The following SCART1 variants were observed in gnomAD, a reference collection of about 807,000 sequenced individuals.
SCART1 encodes scavenger receptor family member expressed on T cells 1, also known as scavenger receptor cysteine-rich domain-containing protein SCART1.
SCART1 carries 62 observed loss-of-function variants against 36.2 expected under a neutral mutation model. The ratio of observed to expected loss-of-function variants is 1.71; its 90% CI spans 1.40 to 2.12. The LOEUF (loss-of-function observed/expected upper bound fraction) is 2.12. Ranked by LOEUF, SCART1 falls within the 30% of genes most tolerant of loss-of-function variation. The pLI, the probability that SCART1 is intolerant of heterozygous loss-of-function variation, is 0.00. For missense variants in SCART1, 1,041 were observed against 540.5 expected (o/e 1.93, Z -9.18); for synonymous variants, 487 against 238.7 (o/e 2.04, Z -9.59).
rs1177377976 is a variant in SCART1, at chr10:133,456,235, A to G, written c.68-2A>G. On this transcript the variant is annotated splice_acceptor_variant, in intron 1 of 11. Transcript: ENST00000640237. LOFTEE classifies it high-confidence loss of function. ...CCTCTAACTGGACCTGTCTGTCTGT[A>G]GGTGGACCAGGTGCTCTGAGGCTGG... 2 of 701,846 alleles carry G rather than the reference A, an allele frequency of 2.8e-6. No individual in the cohort carries two copies. Among genetic ancestry groups the G allele is most frequent in the East Asian group, 5.4e-5 (2 of 37,264 alleles). 43.5% of individuals were successfully genotyped at this position (701,846 alleles called of 1,614,324 possible).
At chr10:133,459,385 G>T (rs981240597) in intron 5 of SCART1, 59 bp downstream of exon 5, 9 of 616,360 alleles carry the variant, frequency 1.5e-5, no homozygotes, top group Non-Finnish European at 2.6e-5. Context: ...ACAGAGGAGT[G>T]CAAGGAAGGA....
At chr10:133,462,722 T>C (rs1033865034) in intron 6 of SCART1, among the ~76,000 whole-genome samples, 3 of 152,158 alleles carry the variant, frequency 2.0e-5, no homozygotes, top group African/African-American at 7.2e-5. Context: ...GGGCCCTGGC[T>C]GAAGGCAGGA....
At chr10:133,459,828 A>G (rs1319453238) in exon 6 of SCART1, 5 of 581,146 alleles carry the variant, frequency 8.6e-6, no homozygotes, top group South Asian at 2.0e-5. Flanking sequence ...CGCGTCCCCC[A>G]TGGCCCGTCG....
intron 2 of SCART1, 29 bp from the exon 3 acceptor site, chr10:133,457,250 C>G (rs1340007885): frequency 1.4e-6 from 1 of 699,334 alleles, no homozygotes; most frequent in Admixed American, 2.0e-5. Context: ...GGGTCCATAC[C>G]TTAAGGAGGA....
chr10:133,466,998 G>A, intron 10 of SCART1, 200 bp from the exon 11 acceptor site: 1 of 504,038 alleles, frequency 2.0e-6, no homozygotes, highest in South Asian at 3.0e-5. Context: ...GCATCATGTG[G>A]TTTGCTGGCA....
chr10:133,466,180 A>G, intron 9 of SCART1, 55 bp from the exon 10 acceptor site: 2 of 685,942 alleles, frequency 2.9e-6, no homozygotes, highest in South Asian at 3.1e-5. Context: ...TGTCCTGCTG[A>G]GGGTGTGCAG....
chr10:133,466,490 C>G, intron 10 of SCART1, 109 bp downstream of exon 10: 1 of 618,364 alleles, frequency 1.6e-6, no homozygotes, highest in Non-Finnish European at 2.9e-6. Flanking sequence ...CCACAGCAGT[C>G]AGGCCTATGC....
chr10:133,468,872 G>A (rs901989878), exon 12 of SCART1: 11 of 152,138 alleles, frequency 7.2e-5, no homozygotes, highest in African/African-American at 2.7e-4. Flanking sequence ...AGAAAATGAT[G>A]TGTAATTTTT....
chr10:133,457,493 G>T, exon 3 of SCART1: 1 of 702,740 alleles, frequency 1.4e-6, no homozygotes, highest in Non-Finnish European at 2.6e-6. Flanking sequence ...GGGGTACCGA[G>T]CCCACCATCC....
chr10:133,461,665 G>A (rs977349062), intron 6 of SCART1, among the ~76,000 whole-genome samples: 1 of 152,012 alleles, frequency 6.6e-6, no homozygotes, highest in Non-Finnish European at 1.5e-5. Context: ...TCCTCACCTC[G>A]TCCATCATCT....
At chr10:133,463,295 C>T (rs958272959) in intron 6 of SCART1, among the ~76,000 whole-genome samples, 3 of 152,218 alleles carry the variant, frequency 2.0e-5, no homozygotes, top group South Asian at 2.1e-4. Context: ...CACAAAGTTA[C>T]GTTTGGTTTT....
exon 4 of SCART1, chr10:133,458,612 G>T (rs1850652255): frequency 1.4e-6 from 1 of 697,332 alleles, no homozygotes; most frequent in East Asian, 2.7e-5. Context: ...CGGGGGCGTG[G>T]GAGCCAGTGT....
In SCART1 at chr10:133,467,846, G is replaced by A. The variant is rs1850780496; in HGVS notation, c.2963-1G>A. The A allele has an allele frequency of 1.5e-6, 1 of 680,308 alleles. No individual in the cohort carries two copies. The highest frequency in any genetic ancestry group is 1.8e-5 in the African/African-American group (1 of 56,716). 42.1% of individuals were successfully genotyped at this position (680,308 alleles called of 1,614,324 possible). ...TGGTCACGCGGTGTCTCTTGCGCCA[G>A]TTTCAGGGGAGGTGTCTAACCTCCT... On this transcript the variant is annotated splice_acceptor_variant, in intron 11 of 11. Transcript: ENST00000640237. LOFTEE classifies it high-confidence loss of function.
chr10:133,467,874 A>G (rs1850780977), exon 12 of SCART1: 2 of 693,718 alleles, frequency 2.9e-6, no homozygotes, highest in Admixed American at 2.0e-5. Flanking sequence ...AACCTCCTGG[A>G]GGGACAGTCT....
intron 3 of SCART1, chr10:133,458,059 C>A: frequency 1.6e-6 from 1 of 612,700 alleles, no homozygotes; most frequent in South Asian, 1.8e-5. Flanking sequence ...CCTGACCTCG[C>A]CTCTGGGATT....
exon 10 of SCART1, chr10:133,466,328 T>G (rs1451909205): frequency 1.4e-6 from 1 of 702,954 alleles, no homozygotes; most frequent in African/African-American, 1.7e-5. Flanking sequence ...CTTCTCCTTC[T>G]GGGCCTCATG....
At chr10:133,457,418 G>T (rs1850632317) in exon 3 of SCART1, 1 of 702,148 alleles carries the variant, frequency 1.4e-6, no homozygotes, top group Non-Finnish European at 2.6e-6. Flanking sequence ...GGGAGCTGGG[G>T]TGCGGCCCTG....
exon 6 of SCART1, chr10:133,460,067 G>A: frequency 2.0e-6 from 1 of 511,652 alleles, no homozygotes; most frequent in Non-Finnish European, 3.4e-6. Flanking sequence ...GGCTGGACGA[G>A]CTGGGCTGCC....
chr10:133,463,257 A>G, intron 6 of SCART1, among the ~76,000 whole-genome samples: 1 of 152,108 alleles, frequency 6.6e-6, no homozygotes, highest in East Asian at 1.9e-4. Context: ...TAATTACTGC[A>G]GTCAAGCTAA....
Sources: gnomAD v4.1 joint callset for allele counts (sites outside exome capture counted in the v4.1 genomes callset) on GRCh38, gnomAD v4.1.1 for gene constraint, MANE v1.5 for transcripts, NCBI Gene and HGNC (gene_info 2026-07-23, HGNC 2026-07-21) for gene names.